HIPK1: variants seen among roughly 807,000 people sequenced by gnomAD.
HIPK1 encodes the protein homeodomain interacting protein kinase 1.
In HIPK1, 28 loss-of-function variants were observed where a neutral mutation model predicts 117.1. That is an observed-to-expected ratio of 0.24 (90% CI 0.18 to 0.33). The LOEUF is 0.33. Ranked by LOEUF, HIPK1 falls within the 10% of genes least tolerant of loss-of-function variation. The pLI is 1.00. For missense variants in HIPK1, 1,122 were observed against 1,475.1 expected, an observed-to-expected ratio of 0.76 and a Z score of 3.92; for synonymous variants, 605 against 562.5, an observed-to-expected ratio of 1.08 and a Z score of -1.07.
intron 2 of HIPK1, among the ~76,000 whole-genome samples, chr1:113,949,814 G>T (rs1406208934): frequency 6.6e-6 from 1 of 151,996 alleles, no homozygotes; most frequent in Admixed American, 6.6e-5. Context: ...TGGCCAGGCT[G>T]GTCTCAAACT....
intron 1 of HIPK1, 124 bp from the exon 2 acceptor site, chr1:113,940,258 G>A (rs1157819191): frequency 1.1e-6 from 1 of 895,670 alleles, no homozygotes; most frequent in Non-Finnish European, 1.7e-6. Context: ...TTTGAGAAGA[G>A]GAGAACATTA....
At chr1:113,960,572 A>G (rs933719134) in intron 8 of HIPK1, among the ~76,000 whole-genome samples, 2 of 152,132 alleles carry the variant, frequency 1.3e-5, no homozygotes, top group African/African-American at 4.8e-5. Context: ...AAATTTTACC[A>G]ATTTGTAGGA....
chr1:113,954,612 TTCAC>T, intron 3 of HIPK1, 35 bp from the exon 4 acceptor site: 1 of 1,608,518 alleles, frequency 6.2e-7, no homozygotes, highest in African/African-American at 1.3e-5. Flanking sequence ...AATTTCCCTT[TTCAC>T]TCCAAATAGT....
rs1343400650 is a variant in HIPK1, at chr1:113,954,778, T to G, written c.1320+8T>G. The G allele has an allele frequency of 6.2e-7, 1 of 1,612,460 alleles. No homozygotes were observed. The highest frequency in any genetic ancestry group is 1.1e-5 in the South Asian group (1 of 91,016). ...CCACTGTGGAGGCTTAAGGTCTGTC[T>G]TCCCTACTATGCTTCCGACTCCTGT... On this transcript the variant is annotated splice_region_variant and intron_variant, in intron 4 of 15. Coordinates refer to ENST00000426820, the MANE Select transcript of HIPK1 (RefSeq NM_198268.3).
Position 113,968,467 on chromosome 1 carries a change from C to G in HIPK1, c.2590C>G (p.Gln864Glu), listed in dbSNP as rs774336294. ...GTCCTCTCTAGATGTTCTGCCTTCC[C>G]AAGTCTATTCTCTGGTTGGGAGCAG... ...SKSSLDVLPS[Q>E]VYSLVGSSPL... The change falls in exon 13 of 16, where the codon CAA becomes GAA. Residue 864 changes from glutamine (Q) to glutamate (E), a missense_variant. By Grantham distance (29) the Gln-to-Glu change is conservative. Coordinates refer to ENST00000426820, the MANE Select transcript of HIPK1 (RefSeq NM_198268.3). 1.9e-6 allele frequency: 3 copies of G among 1,613,890 alleles called. No individual in the cohort carries two copies. The East Asian group carries it at 6.7e-5, about 36-fold the overall frequency.
intron 8 of HIPK1, among the ~76,000 whole-genome samples, chr1:113,961,138 C>T (rs1269235203): frequency 2.0e-5 from 3 of 152,136 alleles, no homozygotes; most frequent in Non-Finnish European, 4.4e-5. Context: ...CAAGTCTTGA[C>T]AAAAAGAATT....
chr1:113,968,390 A>G, intron 12 of HIPK1, 52 bp from the exon 13 acceptor site: 1 of 1,326,218 alleles, frequency 7.5e-7, no homozygotes. Context: ...AAAGATACAC[A>G]ATTTGGAAGG....
chr1:113,952,856 G>T lies in HIPK1; in HGVS notation c.1167G>T (p.Trp389Cys). Residue 389 changes from tryptophan to cysteine, a missense_variant, in exon 3 of 16, where the codon TGG becomes TGT. Physicochemically the swap from Trp to Cys is radical, Grantham distance 215. This residue lies in a region of HIPK1 where 127 missense variants were observed against 197.9 expected (regional missense o/e 0.64). Coordinates refer to ENST00000426820, the MANE Select transcript of HIPK1 (RefSeq NM_198268.3). ...TGATAGCTGAGCTGTTCCTGGGATG[G>T]CCTCTTTATCCTGGTGCTTCAGAAT... ...GCVIAELFLG[W>C]PLYPGASEYD... 1 of 1,544,158 alleles carries T rather than the reference G, an allele frequency of 6.5e-7. No individual in the cohort carries two copies. The highest frequency in any genetic ancestry group is 1.2e-5 in the South Asian group (1 of 80,616).
At chr1:113,972,249 G>A (rs540750528) in intron 15 of HIPK1, among the ~76,000 whole-genome samples, 21 of 152,288 alleles carry the variant, frequency 1.4e-4, no homozygotes, top group Middle Eastern at 6.8e-3. Context: ...CCATGTCTGT[G>A]ATAGGCATAT....
chr1:113,966,407 T>C, intron 11 of HIPK1, 135 bp downstream of exon 11: 3 of 720,620 alleles, frequency 4.2e-6, no homozygotes, highest in Non-Finnish European at 6.4e-6. Context: ...AGAACCCATA[T>C]CAGGCTAGGA....
rs760253533 is a variant in HIPK1, at chr1:113,973,199, G to A, written c.3320G>A (p.Ser1107Asn). The A allele has an allele frequency of 6.2e-7, 1 of 1,613,200 alleles. No homozygotes were observed. Among genetic ancestry groups the A allele is most frequent in the Admixed American group, 1.7e-5 (1 of 59,932 alleles). The change falls in exon 16 of 16, where the codon AGC becomes AAC. Residue 1107 changes from serine (S) to asparagine (N), a missense_variant. By Grantham distance (46) the Ser-to-Asn change is conservative. Coordinates refer to ENST00000426820, the MANE Select transcript of HIPK1 (RefSeq NM_198268.3). ...GCCCCGGCCCCTGCTCACCTGCCAA[G>A]CCAGGCTCATCTGTATACGTATGCT... Reference protein sequence around the residue: ...HLAPAPAHLPSQAHLYTYAAP... With the variant: ...HLAPAPAHLPNQAHLYTYAAP...
At chr1:113,938,927 A>G (rs7551397) in intron 1 of HIPK1, among the ~76,000 whole-genome samples, 1 of 118,456 alleles carries the variant, frequency 8.4e-6, no homozygotes, top group Admixed American at 9.4e-5. Context: ...AAAAAAAAAA[A>G]ATACACACAC....
intron 14 of HIPK1, among the ~76,000 whole-genome samples, chr1:113,971,527 A>C (rs745687396): frequency 1.3e-5 from 2 of 152,192 alleles, no homozygotes; most frequent in Non-Finnish European, 2.9e-5. Context: ...AAACTCTTGG[A>C]GAGAGGGATG....
intron 1 of HIPK1, among the ~76,000 whole-genome samples, chr1:113,934,533 T>C (rs1034138707): frequency 6.6e-6 from 1 of 152,180 alleles, no homozygotes; most frequent in African/African-American, 2.4e-5. Context: ...TTGGTATTAA[T>C]GAACTGGGCA....
At chr1:113,935,444 T>A (rs1256834152) in intron 1 of HIPK1, among the ~76,000 whole-genome samples, 1 of 152,234 alleles carries the variant, frequency 6.6e-6, no homozygotes, top group Non-Finnish European at 1.5e-5. Flanking sequence ...GGCATTTAGG[T>A]TGAATTTCAT....
rs1279898212 is a variant in HIPK1 at position 113,958,111 on chromosome 1, T to C, written c.1801T>C (p.Ser601Pro). The C allele has an allele frequency of 6.2e-7, 1 of 1,614,210 alleles. No homozygotes were observed. The highest frequency in any genetic ancestry group is 8.5e-7 in the Non-Finnish European group (1 of 1,180,016). Residue 601 changes from serine to proline, a missense_variant, in exon 8 of 16, where the codon TCT (serine) becomes CCT (proline). Ser to Pro is a moderately conservative substitution (Grantham distance 74, BLOSUM62 -1). This residue lies in a region of HIPK1 where 731 missense variants were observed against 860.4 expected (regional missense o/e 0.85). Transcript: ENST00000426820. ...SSSTAAAATL[S>P]LANSDVSLLN... is the part of the protein sequence containing the mutation. Reference sequence around the variant, plus strand: ...TTCTACTGCAGCAGCTGCTACTCTTTCTCTGGCTAATTCAGATGTCTCACT... The same window carrying C: ...TTCTACTGCAGCAGCTGCTACTCTTCCTCTGGCTAATTCAGATGTCTCACT...
intron 8 of HIPK1, among the ~76,000 whole-genome samples, chr1:113,958,580 G>C (rs1671883577): frequency 6.6e-6 from 1 of 152,158 alleles, no homozygotes; most frequent in Non-Finnish European, 1.5e-5. Flanking sequence ...CGTACGTCTT[G>C]TATAAGCATG....
In HIPK1 at chr1:113,963,852, A is replaced by G. The variant is rs1672284627; in HGVS notation, c.2238+331A>G. ...TCGATGTAGCCTCAGAAGAGCTTCA[A>G]CACTGTTACTTGTTTTCTGCCTTTT... is the stretch of plus-strand genomic sequence containing the variant. On this transcript the variant is annotated intron_variant, in intron 10 of 15. Transcript: ENST00000426820. Among the ~76,000 whole-genome samples, 3 of 152,178 alleles carry G rather than the reference A, an allele frequency of 2.0e-5. No homozygotes were observed. In the South Asian group the frequency reaches 6.2e-4, roughly 31 times the overall value.
Position 113,976,727 on chromosome 1 carries a change from G to C in HIPK1, c.*3215G>C, listed in dbSNP as rs544181629. ...AGATTCTGTCCCTGGGGTTAGCCCT[G>C]TTGGCCCTGACAGGAAGGGAGGAAG... On this transcript the variant is annotated 3_prime_UTR_variant, in exon 16 of 16. Coordinates refer to ENST00000426820, the MANE Select transcript of HIPK1 (RefSeq NM_198268.3). The C allele has an allele frequency of 6.5e-6, 1 of 152,990 alleles. No individual in the cohort carries two copies. The highest frequency in any genetic ancestry group is 2.1e-4 in the South Asian group (1 of 4,826). 9.5% of individuals were successfully genotyped at this position (152,990 alleles called of 1,614,324 possible). A position where few individuals can be genotyped will look rare whatever the true frequency, so the allele number is the denominator to read the frequency against.
Sources: allele counts gnomAD v4.1 joint callset (sites outside exome capture counted in the v4.1 genomes callset), GRCh38; gene constraint gnomAD v4.1.1; regional missense constraint gnomAD v4.1.1; transcripts MANE v1.5; gene names NCBI Gene and HGNC (gene_info 2026-07-23, HGNC 2026-07-21).